Variants in CSAD observed in about 807,000 individuals in gnomAD.
The protein encoded by CSAD is cysteine sulfinic acid decarboxylase.
In CSAD, 47 loss-of-function variants were observed where a neutral mutation model predicts 61.5. The ratio of observed to expected loss-of-function variants is 0.76; its 90% CI spans 0.60 to 0.97. The LOEUF is 0.97. Ranked by LOEUF, CSAD falls within the 50% of genes least tolerant of loss-of-function variation. The probability of loss-of-function intolerance (pLI) is 0.00; values close to 1 mark genes in which losing one functional copy is unlikely to be tolerated. For synonymous variants in CSAD, 245 were observed against 252.7 expected, an observed-to-expected ratio of 0.97 and a Z score of 0.29; for missense variants, 611 against 643.6, an observed-to-expected ratio of 0.95 and a Z score of 0.55.
Position 53,161,345 on chromosome 12 carries a change from C to T in CSAD, c.747G>A (p.Val249=). ...FLVSATSGTT[V]LGAFDPLEAI... is the part of the protein sequence containing the mutation. ...CCTCCAGGGGGTCAAAGGCCCCTAG[C>T]ACAGTGGTGCCAGAGGTGGCACTGA... is the stretch of plus-strand genomic sequence containing the variant. Residue 249 remains valine (V), a synonymous_variant, in exon 11 of 17, where the codon GTG becomes GTA. Coordinates refer to ENST00000444623, the MANE Select transcript of CSAD (RefSeq NM_001244705.2). The T allele has an allele frequency of 6.2e-7, 1 of 1,614,054 alleles. No homozygotes were observed.
chr12:53,168,689 C>G (rs997998848), intron 10 of CSAD, among the ~76,000 whole-genome samples: 3 of 152,132 alleles, frequency 2.0e-5, no homozygotes, highest in Non-Finnish European at 2.9e-5. Context: ...AACAACAATA[C>G]CAGTAGCTTG....
At chr12:53,164,976 A>T (rs1245284774) in intron 10 of CSAD, among the ~76,000 whole-genome samples, 2 of 152,244 alleles carry the variant, frequency 1.3e-5, no homozygotes, top group Non-Finnish European at 2.9e-5. Context: ...ATACAAATCA[A>T]AACTACAATG....
chr12:53,158,516 GGT>G lies in CSAD; in HGVS notation c.1475_1476del (p.Asp492AlafsTer50), dbSNP rs753806626. On this transcript the variant is annotated frameshift_variant, in exon 17 of 17. Transcript: ENST00000444623. LOFTEE classifies it high-confidence loss of function. ...GGCAGCAAGACAGAGAAGGCTCACA[GGT>G]CCTGGCCTAGCCGCTCCAGCTCGTT... is the stretch of plus-strand genomic sequence containing the variant. ...LLNELERLGQ[D>X]L 9 of 1,612,318 alleles carry G rather than the reference GGT, an allele frequency of 5.6e-6. No individual in the cohort carries two copies. In the South Asian group the frequency reaches 9.9e-5, roughly 18 times the overall value.
chr12:53,170,349 C>G, intron 9 of CSAD, 74 bp downstream of exon 9: 2 of 1,378,194 alleles, frequency 1.5e-6, no homozygotes, highest in Non-Finnish European at 2.1e-6. Context: ...GGGTCTGATG[C>G]CAGAGCTTTC....
intron 10 of CSAD, among the ~76,000 whole-genome samples, chr12:53,163,508 T>C (rs1447080366): frequency 1.3e-5 from 2 of 152,180 alleles, no homozygotes; most frequent in Non-Finnish European, 2.9e-5. Flanking sequence ...AAATCAATTG[T>C]ATCTCTATAC....
At chr12:53,158,932 G>A (rs1938901155) in intron 16 of CSAD, among the ~76,000 whole-genome samples, 1 of 152,270 alleles carries the variant, frequency 6.6e-6, no homozygotes, top group East Asian at 1.9e-4. Flanking sequence ...TGTCCTGTGG[G>A]ACATTTTCTG....
intron 16 of CSAD, 128 bp from the exon 17 acceptor site, chr12:53,158,812 C>T: frequency 1.2e-6 from 1 of 806,646 alleles, no homozygotes; most frequent in Admixed American, 2.5e-5. Context: ...GGGTAGCACA[C>T]CTTGCTCAGA....
intron 16 of CSAD, among the ~76,000 whole-genome samples, chr12:53,159,214 C>G (rs1423947302): frequency 6.6e-6 from 1 of 152,208 alleles, no homozygotes; most frequent in Admixed American, 6.5e-5. Flanking sequence ...TAGTACCACT[C>G]TATCTTTAGG....
At chr12:53,170,595 T>G in intron 8 of CSAD, 93 bp from the exon 9 acceptor site, 1 of 923,204 alleles carries the variant, frequency 1.1e-6, no homozygotes, top group Non-Finnish European at 1.8e-6. Flanking sequence ...AATGGGATCC[T>G]GTAGACCAGG....
chr12:53,172,367 G>GT lies in CSAD; in HGVS notation c.322dup (p.Thr108AsnfsTer2), dbSNP rs749708753. The GT allele has an allele frequency of 1.2e-6, 2 of 1,614,110 alleles. No individual in the cohort carries two copies. The highest frequency in any genetic ancestry group is 4.5e-5 in the East Asian group (2 of 44,882). ...TCACTGGCTGGTGTTGAGGCTCTCA[G>GT]TGATAATGCGCCCGGCCAGAGCATG... On this transcript the variant is annotated frameshift_variant, in exon 6 of 17. Coordinates refer to ENST00000444623, the MANE Select transcript of CSAD (RefSeq NM_001244705.2). LOFTEE classifies it high-confidence loss of function.
intron 2 of CSAD, among the ~76,000 whole-genome samples, chr12:53,175,005 G>A (rs1315349077): frequency 6.6e-6 from 1 of 152,176 alleles, no homozygotes. Flanking sequence ...GGAAGGGAAT[G>A]GGTTCAGTTT....
intron 8 of CSAD, chr12:53,171,100 G>A: frequency 1.5e-6 from 1 of 685,750 alleles, no homozygotes; most frequent in South Asian, 1.5e-5. Context: ...GGAAGAGTAT[G>A]GACTGTGTCC....
At chr12:53,177,015 G>A (rs112798883) in intron 2 of CSAD, among the ~76,000 whole-genome samples, 17,966 of 152,106 alleles carry the variant, frequency 0.12, 2,673 homozygotes, top group African/African-American at 0.35. Context: ...ACAGGTGTGA[G>A]CCACCTCGCC....
At chr12:53,170,040 C>G in intron 10 of CSAD, 32 bp downstream of exon 10, 1 of 1,593,646 alleles carries the variant, frequency 6.3e-7, no homozygotes, top group Non-Finnish European at 8.6e-7. Flanking sequence ...CAGTTGGAGG[C>G]TATATCACCC....
chr12:53,170,807 G>A (rs7305020), intron 8 of CSAD: 26,322 of 402,302 alleles, frequency 0.065, 2,458 homozygotes, highest in African/African-American at 0.26. Context: ...TGCAACTTCC[G>A]CCTCCCAGGT....
At chr12:53,173,684 T>G (rs747124835) in intron 3 of CSAD, 44 bp downstream of exon 3, 26 of 1,478,070 alleles carry the variant, frequency 1.8e-5, no homozygotes, top group Non-Finnish European at 2.4e-5. Context: ...GCTGAGCAAG[T>G]GGACTCTAGT....
rs1565642728 is a variant in CSAD, at chr12:53,158,633, CA to C, written c.1359del (p.Ile453MetfsTer22). The C allele has an allele frequency of 8.7e-6, 14 of 1,614,198 alleles. No individual in the cohort carries two copies. In the South Asian group the frequency reaches 1.5e-4, roughly 18 times the overall value. ...ERMVKEGSMM[I>X]GYQPHGTRGN... ...CCCCGGGTCCCGTGGGGCTGGTAGC[CA>C]ATCATCATGGAGCCCTCCTTCACCA... On this transcript the variant is annotated frameshift_variant, in exon 17 of 17. Coordinates refer to ENST00000444623, the MANE Select transcript of CSAD (RefSeq NM_001244705.2). LOFTEE classifies it high-confidence loss of function.
At position 53,177,237 on chromosome 12, in the gene CSAD, G is replaced by A. The variant is rs533770612; in HGVS notation, c.-50+1865C>T. Reference sequence around the variant, plus strand: ...ATCAAGGAGGCTTTAGGGTGGCCAGGAGCTCTCCTAAAATCTTAGTTTTAA... The same window carrying A: ...ATCAAGGAGGCTTTAGGGTGGCCAGAAGCTCTCCTAAAATCTTAGTTTTAA... On this transcript the variant is annotated intron_variant, in intron 2 of 16. Transcript: ENST00000444623. Among the ~76,000 whole-genome samples, 4 of 152,270 alleles carry A rather than the reference G, an allele frequency of 2.6e-5. 1 individual carries two copies. The highest frequency in any genetic ancestry group is 9.6e-5 in the African/African-American group (4 of 41,536).
chr12:53,179,931 G>A (rs1314983708), intron 1 of CSAD: 4 of 1,592,046 alleles, frequency 2.5e-6, no homozygotes, highest in Admixed American at 3.5e-5. Context: ...TGGCCCAAGA[G>A]CCAGGACTCC....
Sources: allele counts gnomAD v4.1 joint callset (sites outside exome capture counted in the v4.1 genomes callset), GRCh38; gene constraint gnomAD v4.1.1; transcripts MANE v1.5; gene names NCBI Gene and HGNC (gene_info 2026-07-23, HGNC 2026-07-21).